The following CACNA2D3 variants were observed in gnomAD, a reference collection of about 807,000 sequenced individuals.
CACNA2D3 encodes voltage-dependent calcium channel subunit alpha-2/delta-3.
In CACNA2D3, 60 loss-of-function variants were observed where a neutral mutation model predicts 160.6. That is an observed-to-expected ratio of 0.37 (90% CI 0.30 to 0.46). The LOEUF is 0.46. Among genes scored for constraint, CACNA2D3 ranks in the 20% least tolerant of loss-of-function variants. The probability of loss-of-function intolerance (pLI) is 1.00; values close to 1 mark genes in which losing one functional copy is unlikely to be tolerated. For missense variants in CACNA2D3, 1,205 were observed against 1,365.0 expected (o/e 0.88, Z 1.85); for synonymous variants, 558 against 492.9 (o/e 1.13, Z -1.75).
At position 54,537,692 on chromosome 3, in the gene CACNA2D3, C is replaced by T. The variant is rs566168366; in HGVS notation, c.545-25108C>T. Among the ~76,000 whole-genome samples, 17 of 152,228 alleles carry T rather than the reference C, an allele frequency of 1.1e-4. No homozygotes were observed. In the South Asian group the frequency reaches 2.7e-3, roughly 24 times the overall value. ...GGGTTCCTACCTGTTCATGGACACT[C>T]GGGCATAGTCAAGTAGGGATTTGAA... On this transcript the variant is annotated intron_variant, in intron 5 of 37. Transcript: ENST00000474759.
At chr3:54,558,510 A>G (rs1006468235) in intron 5 of CACNA2D3, among the ~76,000 whole-genome samples, 2 of 151,818 alleles carry the variant, frequency 1.3e-5, no homozygotes, top group African/African-American at 4.8e-5. Flanking sequence ...AGATTATTTT[A>G]TCACCCAGGT....
rs1703964155 is a variant in CACNA2D3 at position 54,320,561 on chromosome 3, A to G, written c.321+3A>G. The G allele has an allele frequency of 7.8e-6, 12 of 1,528,858 alleles. No homozygotes were observed. The highest frequency in any genetic ancestry group is 1.1e-5 in the Non-Finnish European group (12 of 1,127,952). The allele number at this position is 1,528,858 out of a possible 1,614,324, so 94.7% of individuals were successfully genotyped here. A position where few individuals can be genotyped will look rare whatever the true frequency, so the allele number is the denominator to read the frequency against. ...ACAAGAAGTCTGAGGCCGTCAGGGTAAGTGCCTATGTTTTGTGCCCTGTAT... is the reference window on the plus strand; with the variant it reads ...ACAAGAAGTCTGAGGCCGTCAGGGTGAGTGCCTATGTTTTGTGCCCTGTAT... On this transcript the variant is annotated splice_donor_region_variant and intron_variant, in intron 3 of 37. Transcript: ENST00000474759.
At chr3:54,262,671 A>G (rs772410602) in intron 2 of CACNA2D3, among the ~76,000 whole-genome samples, 6 of 152,112 alleles carry the variant, frequency 3.9e-5, no homozygotes, top group East Asian at 3.9e-4. Flanking sequence ...GATTAGCACT[A>G]TGATTGGAGC....
chr3:54,948,302 C>T (rs897046882), intron 27 of CACNA2D3, among the ~76,000 whole-genome samples: 3 of 152,194 alleles, frequency 2.0e-5, no homozygotes, highest in African/African-American at 7.2e-5. Context: ...AATTCTCTCA[C>T]TGTATCACCT....
At chr3:54,809,307 C>CTTTTTTTTTTTTT (rs1417063441) in intron 13 of CACNA2D3, among the ~76,000 whole-genome samples, 7 of 86,260 alleles carry the variant, frequency 8.1e-5, no homozygotes, top group Non-Finnish European at 1.2e-4. Flanking sequence ...TTCCTTCCTT[C>CTTTTTTTTTTTTT]TTTCTTTTTT....
intron 3 of CACNA2D3, among the ~76,000 whole-genome samples, chr3:54,363,267 T>G (rs935545191): frequency 1.2e-4 from 18 of 152,194 alleles, no homozygotes; most frequent in African/African-American, 4.3e-4. Context: ...TACAGAGTAT[T>G]GGAAAACACA....
intron 35 of CACNA2D3, among the ~76,000 whole-genome samples, chr3:55,058,658 A>G (rs548155985): frequency 6.6e-6 from 1 of 152,162 alleles, no homozygotes; most frequent in Non-Finnish European, 1.5e-5. Flanking sequence ...TTATTATTCC[A>G]TGGTTCTTGG....
intron 2 of CACNA2D3, among the ~76,000 whole-genome samples, chr3:54,315,111 T>G (rs1229869341): frequency 2.0e-5 from 3 of 151,588 alleles, no homozygotes; most frequent in African/African-American, 7.2e-5. Flanking sequence ...ATTTTAGGTA[T>G]TTTTCCTCCA....
At chr3:54,798,975 ATAGAG>A (rs1575481032) in intron 13 of CACNA2D3, among the ~76,000 whole-genome samples, 1 of 152,196 alleles carries the variant, frequency 6.6e-6, no homozygotes, top group Non-Finnish European at 1.5e-5. Flanking sequence ...TTAAAAAATG[ATAGAG>A]TAATTTATTT....
chr3:54,462,271 G>A (rs1700520788), intron 4 of CACNA2D3, among the ~76,000 whole-genome samples: 1 of 152,162 alleles, frequency 6.6e-6, no homozygotes, highest in Non-Finnish European at 1.5e-5. Flanking sequence ...GTGGTGGAGT[G>A]TTCTGTAGAT....
intron 27 of CACNA2D3, among the ~76,000 whole-genome samples, chr3:54,961,886 C>T (rs1702036679): frequency 6.6e-6 from 1 of 152,052 alleles, no homozygotes; most frequent in Non-Finnish European, 1.5e-5. Context: ...TTCTCAGAGG[C>T]TGAGAAGTCC....
chr3:54,178,287 G>GGCTTTAGAT (rs909545821), intron 2 of CACNA2D3, among the ~76,000 whole-genome samples: 20 of 152,182 alleles, frequency 1.3e-4, no homozygotes, highest in African/African-American at 4.8e-4. Context: ...TTTTAGAGTT[G>GGCTTTAGAT]GCTTTAGATA....
intron 35 of CACNA2D3, among the ~76,000 whole-genome samples, chr3:55,062,516 A>C: frequency 6.6e-6 from 1 of 152,102 alleles, no homozygotes; most frequent in East Asian, 1.9e-4. Flanking sequence ...AAATTACCCA[A>C]ATTACAAAAC....
At chr3:54,822,737 T>C (rs1703636638) in intron 14 of CACNA2D3, among the ~76,000 whole-genome samples, 1 of 46,536 alleles carries the variant, frequency 2.1e-5, no homozygotes, top group African/African-American at 1.1e-4. Context: ...TTATTTTCTT[T>C]CTTTCTTTCT....
chr3:54,162,458 A>G (rs1224484488), intron 2 of CACNA2D3, among the ~76,000 whole-genome samples: 1 of 152,022 alleles, frequency 6.6e-6, no homozygotes, highest in African/African-American at 2.4e-5. Flanking sequence ...TCTGTCTAGG[A>G]TGGTTTGGGC....
Position 54,165,275 on chromosome 3 carries a change from C to T in CACNA2D3, c.204+41681C>T, listed in dbSNP as rs146621697. Reference sequence around the variant, plus strand: ...TTGTTACAACCCAAATGTCACCCCCCACCAAGTATTTCTCCATGTCCCTAT... The same window carrying T: ...TTGTTACAACCCAAATGTCACCCCCTACCAAGTATTTCTCCATGTCCCTAT... On this transcript the variant is annotated intron_variant, in intron 2 of 37. Transcript: ENST00000474759. Among the ~76,000 whole-genome samples the T allele has an allele frequency of 3.5e-3, 526 of 152,172 alleles. 4 individuals are homozygous for T. The highest frequency in any genetic ancestry group is 0.012 in the African/African-American group (480 of 41,510).
chr3:54,184,632 GGA>G lies in CACNA2D3; in HGVS notation c.204+61039_204+61040del, dbSNP rs575980803. Among the ~76,000 whole-genome samples, 15 of 152,332 alleles carry G rather than the reference GGA, an allele frequency of 9.8e-5. No individual in the cohort carries two copies. In the East Asian group the frequency reaches 2.3e-3, roughly 23 times the overall value. ...ACATGTGAAATGGGCCATCCCATGGGGAAGTACTTTATGGTTTATGTGGGTTA... is the reference window on the plus strand; with the variant it reads ...ACATGTGAAATGGGCCATCCCATGGGAGTACTTTATGGTTTATGTGGGTTA... On this transcript the variant is annotated intron_variant, in intron 2 of 37. Coordinates refer to ENST00000474759, the MANE Select transcript of CACNA2D3 (RefSeq NM_018398.3).
chr3:54,426,188 G>A (rs1199946111), intron 4 of CACNA2D3, among the ~76,000 whole-genome samples: 1 of 152,168 alleles, frequency 6.6e-6, no homozygotes, highest in Non-Finnish European at 1.5e-5. Context: ...GAGACAGCTG[G>A]TAGACACATT....
chr3:54,122,910 C>T, intron 1 of CACNA2D3, 75 bp downstream of exon 1: 1 of 1,170,656 alleles, frequency 8.5e-7, no homozygotes, highest in African/African-American at 1.6e-5. Context: ...GTTTGGGCGC[C>T]TGCAGGTGCG....
Sources: allele counts gnomAD v4.1 joint callset (sites outside exome capture counted in the v4.1 genomes callset), GRCh38; gene constraint gnomAD v4.1.1; transcripts MANE v1.5; gene names NCBI Gene and HGNC (gene_info 2026-07-23, HGNC 2026-07-21).